Variants in SLC16A12 observed in about 807,000 individuals in gnomAD.
SLC16A12 encodes the protein monocarboxylate transporter 12.
In SLC16A12, 17 loss-of-function variants were observed where a neutral mutation model predicts 42.4. The observed-to-expected ratio is 0.40, with a 90% CI of 0.27 to 0.60. The LOEUF (loss-of-function observed/expected upper bound fraction) is 0.60, where lower values mean the gene tolerates loss of function less well. Among genes scored for constraint, SLC16A12 ranks in the 20% least tolerant of loss-of-function variants. The pLI is 0.42. For synonymous variants in SLC16A12, 224 were observed against 229.4 expected (o/e 0.98, Z 0.21); for missense variants, 544 against 623.0 (o/e 0.87, Z 1.35).
chr10:89,453,885 C>T (rs1314606384), intron 3 of SLC16A12, among the ~76,000 whole-genome samples: 2 of 152,202 alleles, frequency 1.3e-5, no homozygotes, highest in South Asian at 4.2e-4. Context: ...CAAAATGTCT[C>T]CAAACATTGC....
chr10:89,473,573 T>C (rs1004291630), intron 2 of SLC16A12, among the ~76,000 whole-genome samples: 1 of 152,228 alleles, frequency 6.6e-6, no homozygotes, highest in African/African-American at 2.4e-5. Context: ...TGGAGGCTTA[T>C]GAAGAAGTTT....
intron 2 of SLC16A12, among the ~76,000 whole-genome samples, chr10:89,496,633 T>C (rs750999275): frequency 2.0e-5 from 3 of 152,150 alleles, no homozygotes; most frequent in Non-Finnish European, 4.4e-5. Flanking sequence ...TGATTTCAGG[T>C]GTATTATACA....
chr10:89,438,990 G>A lies in SLC16A12; in HGVS notation c.642C>T (p.Val214=), dbSNP rs1273709357. 1 of 1,614,144 alleles carries A rather than the reference G, an allele frequency of 6.2e-7. No individual in the cohort carries two copies. The change falls in exon 6 of 8, where the codon GTC becomes GTT. Residue 214 remains valine, a synonymous_variant. Transcript: ENST00000371790. ...AGGCACCACATACACAGAGATTCAA[G>A]ACAAAGCCCCCAAGAATGAGTAAGG... is the stretch of plus-strand genomic sequence containing the variant. ...RGALLILGGF[V]LNLCVCGALM...
chr10:89,433,725 C>CAT (rs1377633883), intron 7 of SLC16A12, among the ~76,000 whole-genome samples: 2 of 152,184 alleles, frequency 1.3e-5, no homozygotes, highest in Non-Finnish European at 2.9e-5. Context: ...TCACAGCACC[C>CAT]ATACACTGTT....
intron 2 of SLC16A12, among the ~76,000 whole-genome samples, chr10:89,541,287 C>T (rs1843714398): frequency 6.6e-6 from 1 of 151,992 alleles, no homozygotes; most frequent in South Asian, 2.1e-4. Context: ...ATAAAATCAC[C>T]AGTACTATTC....
chr10:89,482,840 A>C (rs2074208758), intron 2 of SLC16A12, among the ~76,000 whole-genome samples: 1 of 152,102 alleles, frequency 6.6e-6, no homozygotes, highest in Non-Finnish European at 1.5e-5. Context: ...AAAAACCCAC[A>C]AAATTTAGCA....
intron 2 of SLC16A12, among the ~76,000 whole-genome samples, chr10:89,499,173 G>C (rs1368236435): frequency 6.6e-6 from 1 of 152,142 alleles, no homozygotes; most frequent in Non-Finnish European, 1.5e-5. Context: ...TAGTTATTAA[G>C]CTAATCAGGG....
intron 3 of SLC16A12, among the ~76,000 whole-genome samples, chr10:89,449,517 C>T (rs1417058741): frequency 9.2e-5 from 14 of 152,318 alleles, no homozygotes; most frequent in Non-Finnish European, 1.9e-4. Flanking sequence ...AAAGGATTCT[C>T]TATTTAATAA....
intron 2 of SLC16A12, among the ~76,000 whole-genome samples, chr10:89,545,318 A>C (rs1037569839): frequency 1.3e-5 from 2 of 152,218 alleles, no homozygotes; most frequent in African/African-American, 4.8e-5. Context: ...AGAAATAACT[A>C]ATATAAATTC....
chr10:89,505,132 C>T (rs1358993543), intron 2 of SLC16A12, among the ~76,000 whole-genome samples: 3 of 152,132 alleles, frequency 2.0e-5, no homozygotes, highest in Admixed American at 6.5e-5. Flanking sequence ...TCCACATCTG[C>T]CACCCAAATA....
chr10:89,476,499 T>C (rs1418704552), intron 2 of SLC16A12, among the ~76,000 whole-genome samples: 2 of 152,170 alleles, frequency 1.3e-5, no homozygotes, highest in African/African-American at 4.8e-5. Context: ...GGAGGGACCC[T>C]GGAGGCTCCC....
chr10:89,553,343 GC>G (rs1843782863), intron 2 of SLC16A12, among the ~76,000 whole-genome samples: 1 of 152,052 alleles, frequency 6.6e-6, no homozygotes, highest in African/African-American at 2.4e-5. Flanking sequence ...CTTCTCATTA[GC>G]CCCTCTCTGA....
At chr10:89,460,822 T>A (rs1171690833) in intron 3 of SLC16A12, among the ~76,000 whole-genome samples, 1 of 151,940 alleles carries the variant, frequency 6.6e-6, no homozygotes, top group African/African-American at 2.4e-5. Context: ...CCACACTGTC[T>A]TCCACAATGG....
At chr10:89,533,347 T>A (rs1206050412) in intron 2 of SLC16A12, among the ~76,000 whole-genome samples, 1 of 152,194 alleles carries the variant, frequency 6.6e-6, no homozygotes, top group African/African-American at 2.4e-5. Flanking sequence ...AGGATCAAAG[T>A]TCTTTGTTTT....
At chr10:89,517,107 C>A (rs1484792747) in intron 2 of SLC16A12, among the ~76,000 whole-genome samples, 1 of 152,028 alleles carries the variant, frequency 6.6e-6, no homozygotes, top group Non-Finnish European at 1.5e-5. Context: ...TGCCTGTAAT[C>A]CCACCTACTT....
chr10:89,470,681 C>T (rs1264858523), intron 2 of SLC16A12, among the ~76,000 whole-genome samples: 1 of 152,238 alleles, frequency 6.6e-6, no homozygotes, highest in East Asian at 1.9e-4. Flanking sequence ...GTTGGGAATT[C>T]CTCCAGGCCC....
At chr10:89,539,637 A>T (rs187854387), upstream of SLC16A12, among the ~76,000 whole-genome samples, 1 of 152,350 alleles carries the variant, frequency 6.6e-6, no homozygotes, top group East Asian at 1.9e-4. Context: ...TGTCCAGGTC[A>T]AGATAGAAGC....
At chr10:89,466,173 T>C (rs1842394245) in intron 2 of SLC16A12, among the ~76,000 whole-genome samples, 1 of 152,228 alleles carries the variant, frequency 6.6e-6, no homozygotes, top group Admixed American at 6.5e-5. Context: ...AAATGTTGTA[T>C]ATATCAAAGT....
At chr10:89,531,907 C>G (rs776166366) in intron 2 of SLC16A12, among the ~76,000 whole-genome samples, 13 of 152,194 alleles carry the variant, frequency 8.5e-5, no homozygotes, top group Non-Finnish European at 1.5e-4. Flanking sequence ...CTCTCTTCTT[C>G]CTTTTAATTC....
Sources: gnomAD v4.1 joint callset for allele counts (sites outside exome capture counted in the v4.1 genomes callset) on GRCh38, gnomAD v4.1.1 for gene constraint, MANE v1.5 for transcripts, NCBI Gene and HGNC (gene_info 2026-07-23, HGNC 2026-07-21) for gene names.